EYS: variants seen among roughly 807,000 people sequenced by gnomAD.
EYS encodes the protein protein eyes shut homolog.
Under a neutral mutation model 282.1 loss-of-function variants are expected in EYS, and 250 were observed. The ratio of observed to expected loss-of-function variants is 0.89; its 90% confidence interval spans 0.80 to 0.98. The LOEUF (loss-of-function observed/expected upper bound fraction) is 0.98, where lower values mean the gene tolerates loss of function less well. Among genes scored for constraint, EYS ranks in the 50% least tolerant of loss-of-function variants. The pLI, the probability that EYS is intolerant of heterozygous loss-of-function variation, is 0.00. For missense variants in EYS, 4,016 were observed against 3,709.0 expected (o/e 1.08, Z -2.15); for synonymous variants, 1,355 against 1,282.9 (o/e 1.06, Z -1.20).
intron 28 of EYS, among the ~76,000 whole-genome samples, chr6:64,413,216 C>T (rs1773957701): frequency 6.6e-6 from 1 of 152,062 alleles, no homozygotes; most frequent in Non-Finnish European, 1.5e-5. Context: ...TGATTCTCCA[C>T]CCTCCAAACT....
chr6:63,934,647 G>T (rs1204535253), intron 35 of EYS, among the ~76,000 whole-genome samples: 2 of 151,124 alleles, frequency 1.3e-5, no homozygotes, highest in African/African-American at 4.9e-5. Context: ...ACTATCGCAA[G>T]GACAAAAAAC....
intron 15 of EYS, among the ~76,000 whole-genome samples, chr6:64,919,080 C>A (rs566320703): frequency 2.0e-5 from 3 of 152,086 alleles, no homozygotes; most frequent in African/African-American, 4.8e-5. Context: ...AAGAAATAGG[C>A]AGGAAAGAGT....
rs1334263272 is a variant in EYS at position 64,151,311 on chromosome 6, GTATATTTATATATATATATATATATA to G, written c.6425-69335_6425-69310del. On this transcript the variant is annotated intron_variant, in intron 31 of 42. Transcript: ENST00000503581. ...TATATGTTTTCACACGTGTGTGTGTGTATATTTATATATATATATATATATATATATATATATATATATATATATAT... is the reference window on the plus strand; with the variant it reads ...TATATGTTTTCACACGTGTGTGTGTGTATATATATATATATATATATATAT... 1.5e-3 allele frequency among the ~76,000 whole-genome samples: 127 copies of G among 87,168 alleles called. 5 individuals carry two copies. The East Asian group carries it at 0.043, about 29-fold the overall frequency. 57.2% of individuals were successfully genotyped at this position (87,168 alleles called of 152,430 possible). A position where few individuals can be genotyped will look rare whatever the true frequency, so the allele number is the denominator to read the frequency against.
At chr6:64,821,470 C>T (rs2150021806) in intron 21 of EYS, among the ~76,000 whole-genome samples, 175 bp downstream of exon 21, 1 of 151,940 alleles carries the variant, frequency 6.6e-6, no homozygotes, top group Admixed American at 6.6e-5. Flanking sequence ...GAAAAAAAGC[C>T]ATGATTTGTA....
intron 28 of EYS, among the ~76,000 whole-genome samples, chr6:64,421,858 GGGGTGTGTGTGT>G (rs1335080024): frequency 0.011 from 555 of 52,756 alleles, 4 homozygotes; most frequent in African/African-American, 0.026. Context: ...TTTTGTTTGG[GGGGTGTGTGTGT>G]GTGTGTGTGT....
At chr6:65,303,363 C>T in intron 11 of EYS, 1 of 1,246,700 alleles carries the variant, frequency 8.0e-7, no homozygotes, top group East Asian at 2.3e-5. Flanking sequence ...TTGGGCCTTA[C>T]TGAGACACTG....
chr6:64,281,866 A>G (rs1768321455), intron 30 of EYS, among the ~76,000 whole-genome samples: 1 of 152,258 alleles, frequency 6.6e-6, no homozygotes, highest in East Asian at 1.9e-4. Flanking sequence ...GAAAGTAAGA[A>G]GATTGGAGGG....
intron 28 of EYS, among the ~76,000 whole-genome samples, chr6:64,411,567 G>A (rs1666909663): frequency 6.6e-6 from 1 of 152,100 alleles, no homozygotes; most frequent in Admixed American, 6.6e-5. Context: ...AATAGGCTGA[G>A]TGGCATGGCT....
At chr6:64,858,419 T>G (rs553197033) in intron 19 of EYS, among the ~76,000 whole-genome samples, 19 of 152,104 alleles carry the variant, frequency 1.2e-4, no homozygotes, top group African/African-American at 3.1e-4. Context: ...TATGTGGGCT[T>G]TTTTTTGGGT....
intron 18 of EYS, among the ~76,000 whole-genome samples, chr6:64,901,351 A>T (rs1562250391): frequency 6.7e-6 from 1 of 149,748 alleles, no homozygotes; most frequent in Admixed American, 6.7e-5. Context: ...CTAAAAAGGC[A>T]AAATTAATCA....
chr6:63,969,550 C>CAGT (rs778028377), intron 35 of EYS, among the ~76,000 whole-genome samples: 1 of 152,142 alleles, frequency 6.6e-6, no homozygotes, highest in Non-Finnish European at 1.5e-5. Flanking sequence ...TAACCTCAAG[C>CAGT]AGTACTATTA....
intron 7 of EYS, among the ~76,000 whole-genome samples, chr6:65,402,127 T>C (rs1766531380): frequency 6.6e-6 from 1 of 151,752 alleles, no homozygotes; most frequent in Non-Finnish European, 1.5e-5. Flanking sequence ...TTCAATATTA[T>C]ATATGTATAA....
In EYS at chr6:65,514,152, C is replaced by T. The variant is rs545094371; in HGVS notation, c.-332-18159G>A. ...AGCATTCTTATACACCAATAACAGA[C>T]AAACAGAGCCAAATCATGAGTGAAC... On this transcript the variant is annotated intron_variant, in intron 2 of 42. Coordinates refer to ENST00000503581, the MANE Select transcript of EYS (RefSeq NM_001142800.2). 7.2e-5 allele frequency among the ~76,000 whole-genome samples: 11 copies of T among 151,800 alleles called. No homozygotes were observed. In the South Asian group the frequency reaches 8.3e-4, roughly 11 times the overall value.
At chr6:65,243,511 C>T (rs1767105092) in intron 12 of EYS, among the ~76,000 whole-genome samples, 1 of 152,146 alleles carries the variant, frequency 6.6e-6, no homozygotes, top group Non-Finnish European at 1.5e-5. Flanking sequence ...AATCAAGACT[C>T]AAATACCACA....
chr6:65,362,655 A>G (rs552209563), intron 8 of EYS, among the ~76,000 whole-genome samples: 1 of 151,956 alleles, frequency 6.6e-6, no homozygotes, highest in East Asian at 1.9e-4. Flanking sequence ...TAATATTTTT[A>G]CTACAAGTGC....
At chr6:64,007,499 G>C (rs1208183630) in intron 33 of EYS, among the ~76,000 whole-genome samples, 3 of 151,616 alleles carry the variant, frequency 2.0e-5, no homozygotes, top group African/African-American at 4.8e-5. Context: ...CTTCAGTTCA[G>C]TTCTGATTTT....
At chr6:65,095,615 C>G (rs758786790) in intron 12 of EYS, among the ~76,000 whole-genome samples, 3 of 150,974 alleles carry the variant, frequency 2.0e-5, no homozygotes, top group Non-Finnish European at 4.5e-5. Flanking sequence ...GAGCCCAGTA[C>G]CAGATAGCTT....
At chr6:65,531,692 G>A (rs1222434073) in intron 2 of EYS, among the ~76,000 whole-genome samples, 2 of 152,136 alleles carry the variant, frequency 1.3e-5, no homozygotes, top group African/African-American at 2.4e-5. Context: ...GGGCAAACAC[G>A]GTTGGTATGA....
intron 35 of EYS, among the ~76,000 whole-genome samples, chr6:63,946,628 A>G (rs1248259700): frequency 6.6e-6 from 1 of 152,128 alleles, no homozygotes; most frequent in Non-Finnish European, 1.5e-5. Flanking sequence ...ACAAGGTGTA[A>G]CTGTGTTACA....
Sources: allele counts gnomAD v4.1 joint callset (sites outside exome capture counted in the v4.1 genomes callset), GRCh38; gene constraint gnomAD v4.1.1; transcripts MANE v1.5; gene names NCBI Gene and HGNC (gene_info 2026-07-23, HGNC 2026-07-21).